The following VSTM1 variants were observed in gnomAD, a reference collection of about 807,000 sequenced individuals.
VSTM1 encodes the protein V-set and transmembrane domain-containing protein 1.
VSTM1 carries 27 observed loss-of-function variants against 33.1 expected under a neutral mutation model. That is an observed-to-expected ratio of 0.82 (90% CI 0.60 to 1.12). The LOEUF (loss-of-function observed/expected upper bound fraction) is 1.12, where lower values mean the gene tolerates loss of function less well. Ranked by LOEUF, VSTM1 falls within the 50% of genes most tolerant of loss-of-function variation. VSTM1 has a pLI of 0.00. For missense variants in VSTM1, 304 were observed against 288.9 expected, an observed-to-expected ratio of 1.05 and a Z score of -0.38; for synonymous variants, 115 against 110.3, an observed-to-expected ratio of 1.04 and a Z score of -0.27.
chr19:54,041,124 G>A, intron 8 of VSTM1, 44 bp from the exon 9 acceptor site: 1 of 1,491,410 alleles, frequency 6.7e-7, no homozygotes, highest in Middle Eastern at 2.4e-4. Context: ...TGTTCAATAT[G>A]GCAGCCACTA....
At chr19:54,048,104 G>T (rs2070682876) in intron 4 of VSTM1, among the ~76,000 whole-genome samples, 1 of 152,002 alleles carries the variant, frequency 6.6e-6, no homozygotes, top group Non-Finnish European at 1.5e-5. Context: ...TGTGCTTACA[G>T]ATATTTTACT....
chr19:54,045,459 CTA>C (rs2070528072), intron 4 of VSTM1, among the ~76,000 whole-genome samples: 1 of 152,048 alleles, frequency 6.6e-6, no homozygotes, highest in Non-Finnish European at 1.5e-5. Flanking sequence ...ATCTATGTAT[CTA>C]TCTTTATCTG....
At chr19:54,051,323 A>C (rs2070831885) in intron 4 of VSTM1, 87 bp downstream of exon 4, 1 of 1,141,760 alleles carries the variant, frequency 8.8e-7, no homozygotes, top group Admixed American at 2.7e-5. Context: ...ACAAACAAAT[A>C]AATAAAGTTC....
chr19:54,046,109 C>T (rs1458456379), intron 4 of VSTM1, among the ~76,000 whole-genome samples: 2 of 152,112 alleles, frequency 1.3e-5, no homozygotes, highest in Admixed American at 1.3e-4. Context: ...ATCTGTCCAT[C>T]GTATCTAGCT....
At chr19:54,045,740 CTA>C (rs1345422454) in intron 4 of VSTM1, among the ~76,000 whole-genome samples, 1 of 152,080 alleles carries the variant, frequency 6.6e-6, no homozygotes, top group Non-Finnish European at 1.5e-5. Flanking sequence ...TCTTGCAACT[CTA>C]TCACCTATCT....
At position 54,041,136 on chromosome 19, in the gene VSTM1, C is replaced by T. The variant is rs1402620832; in HGVS notation, c.592-56G>A. 5.4e-6 allele frequency: 8 copies of T among 1,469,248 alleles called. No homozygotes were observed. The African/African-American group carries it at 1.2e-4, about 22-fold the overall frequency. 91.0% of individuals were successfully genotyped at this position (1,469,248 alleles called of 1,614,324 possible). ...GAGTGTTCAATATGGCAGCCACTAG[C>T]CACACATGGCTATTGACATTTAAGT... On this transcript the variant is annotated intron_variant, in intron 8 of 8. Transcript: ENST00000338372.
chr19:54,040,944 C>T lies in VSTM1; in HGVS notation c.*17G>A. ...AGCACGATCCCCCCTCCTTTAGTGG[C>T]CAGGGCTGTCTTCTTGCTACACTTT... is the stretch of plus-strand genomic sequence containing the variant. On this transcript the variant is annotated 3_prime_UTR_variant, in exon 9 of 9. Transcript: ENST00000338372. 1.9e-6 allele frequency: 3 copies of T among 1,605,496 alleles called. No homozygotes were observed. The highest frequency in any genetic ancestry group is 2.6e-6 in the Non-Finnish European group (3 of 1,176,182).
chr19:54,061,390 T>C (rs2071389190), intron 1 of VSTM1, among the ~76,000 whole-genome samples: 1 of 152,124 alleles, frequency 6.6e-6, no homozygotes, highest in Non-Finnish European at 1.5e-5. Context: ...TATTTGAAAA[T>C]AGCATTGTCT....
intron 4 of VSTM1, among the ~76,000 whole-genome samples, chr19:54,050,558 A>C (rs2146083451): frequency 6.6e-6 from 1 of 152,244 alleles, no homozygotes; most frequent in South Asian, 2.1e-4. Context: ...TATGGCAAAC[A>C]ACGCACTCTG....
At chr19:54,060,050 C>T (rs149586921) in intron 1 of VSTM1, among the ~76,000 whole-genome samples, 1,539 of 151,402 alleles carry the variant, frequency 0.01, 36 homozygotes, top group African/African-American at 0.036. Context: ...GACGGGGTTT[C>T]ACTGTGTTAG....
Position 54,063,812 on chromosome 19 carries a change from G to A in VSTM1, c.-35C>T, listed in dbSNP as rs1196457963. Reference sequence around the variant, plus strand: ...TCTGCCAGAACCAAGGCCCCGCCTTGGGTTTTACCCTTCAAAGGCGGAGCG... The same window carrying A: ...TCTGCCAGAACCAAGGCCCCGCCTTAGGTTTTACCCTTCAAAGGCGGAGCG... On this transcript the variant is annotated 5_prime_UTR_variant, in exon 1 of 9. Coordinates refer to ENST00000338372, the MANE Select transcript of VSTM1 (RefSeq NM_198481.4). The A allele has an allele frequency of 6.2e-7, 1 of 1,612,978 alleles. No individual in the cohort carries two copies. Among genetic ancestry groups the A allele is most frequent in the Admixed American group, 1.7e-5 (1 of 59,816 alleles).
At chr19:54,061,309 C>T (rs1323227739) in intron 1 of VSTM1, among the ~76,000 whole-genome samples, 1 of 152,188 alleles carries the variant, frequency 6.6e-6, no homozygotes, top group African/African-American at 2.4e-5. Context: ...TGAGCCACCA[C>T]ACCTGGCTGA....
At chr19:54,050,453 A>C (rs2070782741) in intron 4 of VSTM1, among the ~76,000 whole-genome samples, 1 of 151,914 alleles carries the variant, frequency 6.6e-6, no homozygotes, top group African/African-American at 2.4e-5. Context: ...TGAAGTACCT[A>C]CTCTGCGTAG....
At chr19:54,042,841 T>TATATATATAA in intron 4 of VSTM1, among the ~76,000 whole-genome samples, 1 of 96,388 alleles carries the variant, frequency 1.0e-5, no homozygotes, top group Admixed American at 1.2e-4. Flanking sequence ...TATATATACA[T>TATATATATAA]ATATATATAT....
intron 4 of VSTM1, 33 bp downstream of exon 4, chr19:54,051,377 T>C (rs779569162): frequency 8.2e-6 from 13 of 1,579,472 alleles, no homozygotes; most frequent in African/African-American, 5.5e-5. Flanking sequence ...GCAGATCTCA[T>C]TGGGAAAAAC....
At chr19:54,041,142 A>G in intron 8 of VSTM1, 62 bp from the exon 9 acceptor site, 1 of 1,437,028 alleles carries the variant, frequency 7.0e-7, no homozygotes, top group Non-Finnish European at 9.2e-7. Context: ...CTAGCCACAC[A>G]TGGCTATTGA....
chr19:54,059,059 CTTTTTTTT>C (rs68002308), intron 1 of VSTM1, among the ~76,000 whole-genome samples: 16 of 104,194 alleles, frequency 1.5e-4, no homozygotes, highest in Middle Eastern at 0.011. Flanking sequence ...CTTCTTCTTT[CTTTTTTTT>C]TTTTTTTTTT....
At chr19:54,063,433 G>A (rs1282877573) in intron 1 of VSTM1, among the ~76,000 whole-genome samples, 1 of 152,160 alleles carries the variant, frequency 6.6e-6, no homozygotes, top group African/African-American at 2.4e-5. Flanking sequence ...AGATCCCTAA[G>A]CCCAGCCCTC....
chr19:54,060,675 T>C (rs1005376164), intron 1 of VSTM1, among the ~76,000 whole-genome samples: 25 of 152,120 alleles, frequency 1.6e-4, no homozygotes, highest in African/African-American at 5.8e-4. Flanking sequence ...CATCGTCTGT[T>C]CAAACAGTGA....
Sources: gnomAD v4.1 joint callset for allele counts (sites outside exome capture counted in the v4.1 genomes callset) on GRCh38, gnomAD v4.1.1 for gene constraint, MANE v1.5 for transcripts, NCBI Gene and HGNC (gene_info 2026-07-23, HGNC 2026-07-21) for gene names.